The following PTPRC variants were observed in gnomAD, a reference collection of about 807,000 sequenced individuals.
PTPRC encodes receptor-type tyrosine-protein phosphatase C.
Under a neutral mutation model 155.9 loss-of-function variants are expected in PTPRC, and 44 were observed. That is an observed-to-expected ratio of 0.28 (90% CI 0.22 to 0.36). The LOEUF is 0.36. PTPRC is among the 10% of genes least tolerant of loss of function. PTPRC has a pLI of 1.00. For synonymous variants in PTPRC, 525 were observed against 533.1 expected (o/e 0.98, Z 0.21); for missense variants, 1,401 against 1,564.6 (o/e 0.90, Z 1.76).
intron 23 of PTPRC, among the ~76,000 whole-genome samples, chr1:198,738,388 T>G (rs113752715): frequency 0.058 from 8,810 of 151,958 alleles, 323 homozygotes; most frequent in Middle Eastern, 0.099. Flanking sequence ...GCATAATTTT[T>G]CAGCATCAAT....
chr1:198,667,663 A>G (rs968265498), intron 2 of PTPRC, among the ~76,000 whole-genome samples: 1 of 152,238 alleles, frequency 6.6e-6, no homozygotes, highest in Non-Finnish European at 1.5e-5. Context: ...AATATAGAAA[A>G]GAAAGTCACA....
intron 2 of PTPRC, among the ~76,000 whole-genome samples, chr1:198,659,122 T>G (rs1663785658): frequency 6.6e-6 from 1 of 152,068 alleles, no homozygotes; most frequent in Non-Finnish European, 1.5e-5. Context: ...AGAATATACT[T>G]TTTTTAAGGT....
chr1:198,737,984 C>T (rs1188467057), intron 23 of PTPRC, among the ~76,000 whole-genome samples: 1 of 151,762 alleles, frequency 6.6e-6, no homozygotes, highest in Non-Finnish European at 1.5e-5. Context: ...TATAAAAACA[C>T]TGCTTGTTTT....
At chr1:198,639,026 G>C (rs1662420277), upstream of PTPRC, 1 of 491,082 alleles carries the variant, frequency 2.0e-6, no homozygotes, top group Non-Finnish European at 3.6e-6. Flanking sequence ...GGAGAAGTTA[G>C]TAAAACCGAA....
intron 13 of PTPRC, 79 bp downstream of exon 13, chr1:198,716,919 T>C: frequency 7.4e-7 from 1 of 1,356,148 alleles, no homozygotes; most frequent in Non-Finnish European, 1.0e-6. Context: ...AATATTTCTA[T>C]CTTTATTCTA....
chr1:198,713,655 A>G (rs1353755436), intron 12 of PTPRC, among the ~76,000 whole-genome samples: 1 of 152,236 alleles, frequency 6.6e-6, no homozygotes, highest in African/African-American at 2.4e-5. Context: ...GAAATGTTCA[A>G]ATGAGATGCT....
rs369232264 is a variant in PTPRC, at chr1:198,748,089, G to T, written c.2848-20G>T. 267 of 1,473,308 alleles carry T rather than the reference G, an allele frequency of 1.8e-4. No homozygotes were observed. The highest frequency in any genetic ancestry group is 4.5e-4 in the Admixed American group (22 of 48,992). The allele number at this position is 1,473,308 out of a possible 1,614,324, so 91.3% of individuals were successfully genotyped here. A position where few individuals can be genotyped will look rare whatever the true frequency, so the allele number is the denominator to read the frequency against. Reference sequence around the variant, plus strand: ...ATTTACATTTTAAAGGAGTTTTTCTGTTTTTTTTTTTTTTTTCAGAGACTT... The same window carrying T: ...ATTTACATTTTAAAGGAGTTTTTCTTTTTTTTTTTTTTTTTTCAGAGACTT... On this transcript the variant is annotated intron_variant, in intron 26 of 32. Transcript: ENST00000442510.
rs942353570 is a variant in PTPRC, at chr1:198,688,757, C to A, written c.74-3590C>A. On this transcript the variant is annotated intron_variant, in intron 2 of 32. Coordinates refer to ENST00000442510, the MANE Select transcript of PTPRC (RefSeq NM_002838.5). ...TTAGCTCATGAGTTTTTAATAAACA[C>A]CTTCTGTAAAAGAATTCTCATGCTT... Among the ~76,000 whole-genome samples, 5 of 152,112 alleles carry A rather than the reference C, an allele frequency of 3.3e-5. 1 individual carries two copies. The highest frequency in any genetic ancestry group is 1.2e-4 in the African/African-American group (5 of 41,406).
chr1:198,672,933 T>C (rs1664731624), intron 2 of PTPRC, among the ~76,000 whole-genome samples: 1 of 152,240 alleles, frequency 6.6e-6, no homozygotes, highest in East Asian at 1.9e-4. Flanking sequence ...GAGGATATTG[T>C]TAAAACTTCT....
chr1:198,675,828 A>G (rs1033389867), intron 2 of PTPRC, among the ~76,000 whole-genome samples: 1 of 152,150 alleles, frequency 6.6e-6, no homozygotes, highest in Non-Finnish European at 1.5e-5. Flanking sequence ...ATATTCTCGG[A>G]AGGGATAAGT....
At chr1:198,735,457 G>A (rs899809397) in intron 23 of PTPRC, among the ~76,000 whole-genome samples, 13 of 151,266 alleles carry the variant, frequency 8.6e-5, no homozygotes, top group East Asian at 7.8e-4. Flanking sequence ...AACTCAAATC[G>A]AAAGAATTAT....
At chr1:198,744,622 T>C (rs1304509403) in intron 26 of PTPRC, among the ~76,000 whole-genome samples, 1 of 151,898 alleles carries the variant, frequency 6.6e-6, no homozygotes, top group Admixed American at 6.6e-5. Context: ...CTGGAGCTGG[T>C]AGACACACAG....
intron 28 of PTPRC, 87 bp downstream of exon 28, chr1:198,749,636 A>G (rs1655291723): frequency 7.5e-7 from 1 of 1,334,260 alleles, no homozygotes; most frequent in Non-Finnish European, 1.1e-6. Flanking sequence ...GCGATTTTAT[A>G]AAAGAATAAT....
chr1:198,735,183 T>A lies in PTPRC; in HGVS notation c.2334T>A (p.Asp778Glu). The A allele has an allele frequency of 2.5e-6, 4 of 1,604,404 alleles. No individual in the cohort carries two copies. Among genetic ancestry groups the A allele is most frequent in the Non-Finnish European group, 2.6e-6 (3 of 1,173,960 alleles). Residue 778 changes from aspartate to glutamate, a missense_variant, in exon 23 of 33, where the codon GAT becomes GAA. Asp to Glu is a conservative substitution (Grantham distance 45). Transcript: ENST00000442510. ...SMEEGTRAFG[D>E]VVVKINQHKR... ...AAGAGGGCACTCGGGCTTTTGGAGA[T>A]GTTGTTGTAAAGATCAACCAGCACA...
At chr1:198,648,375 G>A (rs1663048919) in intron 2 of PTPRC, among the ~76,000 whole-genome samples, 1 of 151,762 alleles carries the variant, frequency 6.6e-6, no homozygotes, top group Non-Finnish European at 1.5e-5. Context: ...AATGAGAGTT[G>A]TAGGGGGTGG....
At chr1:198,723,238 T>C (rs925769397) in intron 15 of PTPRC, among the ~76,000 whole-genome samples, 1 of 151,978 alleles carries the variant, frequency 6.6e-6, no homozygotes, top group Non-Finnish European at 1.5e-5. Context: ...TCTCTACTGG[T>C]TAACATTGTA....
Position 198,694,250 on chromosome 1 carries a change from T to G in PTPRC, c.100+1877T>G, listed in dbSNP as rs571346708. The G allele has an allele frequency of 7.0e-6, 7 of 996,196 alleles. No individual in the cohort carries two copies. The East Asian group carries it at 5.1e-4, about 73-fold the overall frequency. 61.7% of individuals were successfully genotyped at this position (996,196 alleles called of 1,614,324 possible). ...CCAGAAGACTCAGCAAGCTCACTTC[T>G]CCTACCTTCTTGTGCCTGCTTTTTC... On this transcript the variant is annotated intron_variant, in intron 3 of 32. Coordinates refer to ENST00000442510, the MANE Select transcript of PTPRC (RefSeq NM_002838.5).
chr1:198,664,645 A>G (rs1664176519), intron 2 of PTPRC, among the ~76,000 whole-genome samples: 1 of 152,166 alleles, frequency 6.6e-6, no homozygotes, highest in South Asian at 2.1e-4. Context: ...ACCGAAATAT[A>G]CCAGGAACTG....
intron 13 of PTPRC, among the ~76,000 whole-genome samples, chr1:198,717,423 A>G (rs549140098): frequency 7.9e-5 from 12 of 152,330 alleles, no homozygotes; most frequent in Non-Finnish European, 1.8e-4. Flanking sequence ...TCTGGGGCAC[A>G]TGTTAACCTC....
Sources: gnomAD v4.1 joint callset for allele counts (sites outside exome capture counted in the v4.1 genomes callset) on GRCh38, gnomAD v4.1.1 for gene constraint, MANE v1.5 for transcripts, NCBI Gene and HGNC (gene_info 2026-07-23, HGNC 2026-07-21) for gene names.